The following SLC28A3 variants were observed in gnomAD, a reference collection of about 807,000 sequenced individuals.
SLC28A3 encodes concentrative Na(+)-nucleoside cotransporter 3.
A neutral mutation model predicts 84.2 loss-of-function variants in SLC28A3; 68 were observed. The ratio of observed to expected loss-of-function variants is 0.81; its 90% CI spans 0.66 to 0.99. The LOEUF (loss-of-function observed/expected upper bound fraction) is 0.99. Ranked by LOEUF, SLC28A3 falls within the 50% of genes least tolerant of loss-of-function variation. SLC28A3 has a pLI of 0.00. For synonymous variants in SLC28A3, 267 were observed against 303.6 expected (o/e 0.88, Z 1.25); for missense variants, 712 against 841.5 (o/e 0.85, Z 1.90).
Position 84,340,736 on chromosome 9 carries a change from C to G in SLC28A3, c.-103G>C. 1 of 1,288,648 alleles carries G rather than the reference C, an allele frequency of 7.8e-7. No individual in the cohort carries two copies. Among genetic ancestry groups the G allele is most frequent in the Non-Finnish European group, 1.1e-6 (1 of 904,144 alleles). The allele number at this position is 1,288,648 out of a possible 1,614,324, so 79.8% of individuals were successfully genotyped here. A position where few individuals can be genotyped will look rare whatever the true frequency, so the allele number is the denominator to read the frequency against. ...GAAAGCCACCTGCTGTTACAGGGAC[C>G]TGGGCACAGCTTGCTTCAGTTTGGA... is the stretch of plus-strand genomic sequence containing the variant. On this transcript the variant is annotated 5_prime_UTR_variant, in exon 1 of 18. Coordinates refer to ENST00000376238, the MANE Select transcript of SLC28A3 (RefSeq NM_001199633.2).
At chr9:84,291,925 G>A (rs1825238894) in intron 10 of SLC28A3, among the ~76,000 whole-genome samples, 1 of 152,172 alleles carries the variant, frequency 6.6e-6, no homozygotes, top group African/African-American at 2.4e-5. Context: ...TATTTTGAGG[G>A]ACACTCCTTG....
rs771434113 is a variant in SLC28A3, at chr9:84,279,259, CA to C, written c.1949+5del. ...TATAAAGAAATTATAATCAAGAATA[CA>C]ATACCTGCTCAACAGACTTTGGCAA... On this transcript the variant is annotated splice_donor_5th_base_variant and intron_variant, in intron 17 of 17. Coordinates refer to ENST00000376238, the MANE Select transcript of SLC28A3 (RefSeq NM_001199633.2). 20 of 1,598,606 alleles carry C rather than the reference CA, an allele frequency of 1.3e-5. No individual in the cohort carries two copies. The African/African-American group carries it at 2.7e-4, about 22-fold the overall frequency.
the SLC28A3 span, among the ~76,000 whole-genome samples, chr9:84,360,002 C>CAAAAA: frequency 1.8e-5 from 1 of 56,236 alleles, no homozygotes; most frequent in Non-Finnish European, 4.0e-5. Context: ...AACTCTGTCT[C>CAAAAA]AAAAAAAAAA....
intron 17 of SLC28A3, among the ~76,000 whole-genome samples, chr9:84,278,897 T>C (rs1210819253): frequency 1.4e-5 from 2 of 147,800 alleles, no homozygotes; most frequent in Non-Finnish European, 1.5e-5. Context: ...AAAAAAAAGA[T>C]AGTGCCCAAC....
chr9:84,316,892 T>C (rs1826186179), intron 1 of SLC28A3, among the ~76,000 whole-genome samples: 1 of 152,040 alleles, frequency 6.6e-6, no homozygotes, highest in Non-Finnish European at 1.5e-5. Context: ...TCCCAGCTAC[T>C]TGGGAGGCTG....
the SLC28A3 span, among the ~76,000 whole-genome samples, chr9:84,367,999 C>T: frequency 9.9e-5 from 15 of 152,162 alleles, no homozygotes; most frequent in Admixed American, 2.0e-4. Flanking sequence ...CTTACTAATC[C>T]GCCTCAGCAC....
the SLC28A3 span, among the ~76,000 whole-genome samples, chr9:84,367,776 T>C: frequency 2.6e-5 from 4 of 152,202 alleles, no homozygotes; most frequent in Non-Finnish European, 4.4e-5. Context: ...GCACGTAGGC[T>C]AGATTTATGT....
intron 2 of SLC28A3, among the ~76,000 whole-genome samples, chr9:84,311,432 ACATCAC>A (rs1825984685): frequency 6.6e-6 from 1 of 152,168 alleles, no homozygotes; most frequent in South Asian, 2.1e-4. Flanking sequence ...CTACATGGAC[ACATCAC>A]CATCACCCAA....
At chr9:84,278,523 G>A (rs1274672130) in intron 17 of SLC28A3, 179 bp from the exon 18 acceptor site, 4 of 690,994 alleles carry the variant, frequency 5.8e-6, no homozygotes, top group Non-Finnish European at 9.3e-6. Context: ...TAAATTCTGG[G>A]TGTCCTCAAG....
intron 15 of SLC28A3, 52 bp downstream of exon 15, chr9:84,280,749 C>G: frequency 6.3e-7 from 1 of 1,580,520 alleles, no homozygotes; most frequent in Non-Finnish European, 8.7e-7. Flanking sequence ...AATGGGGATC[C>G]AAGTATGTCT....
intron 1 of SLC28A3, among the ~76,000 whole-genome samples, chr9:84,339,863 G>A (rs1163890281): frequency 6.6e-6 from 1 of 152,122 alleles, no homozygotes; most frequent in East Asian, 1.9e-4. Context: ...TCAAAGTTTT[G>A]TTTTGCCCAT....
chr9:84,340,548 T>G (rs554895237), intron 1 of SLC28A3, 26 bp downstream of exon 1: 1 of 1,613,906 alleles, frequency 6.2e-7, no homozygotes, highest in South Asian at 1.1e-5. Context: ...TGAAGGCCTT[T>G]AACATAAGAG....
At chr9:84,315,265 G>A (rs904190235) in intron 1 of SLC28A3, among the ~76,000 whole-genome samples, 1 of 152,150 alleles carries the variant, frequency 6.6e-6, no homozygotes, top group Non-Finnish European at 1.5e-5. Flanking sequence ...ATGAATTGGT[G>A]GAGTAACAGA....
Position 84,280,027 on chromosome 9 carries a change from C to G in SLC28A3, c.1776G>C (p.Val592=), listed in dbSNP as rs747926796. ...SRKRDIASGA[V]RALIAGTVAC... ...CCACGGTCCCCGCAATCAGAGCTCT[C>G]ACTGCCCCCGAGGCGATATCACGCT... is the stretch of plus-strand genomic sequence containing the variant. Residue 592 remains valine (V), a synonymous_variant, in exon 16 of 18, where the codon GTG becomes GTC. Transcript: ENST00000376238. 6.2e-7 allele frequency: 1 copy of G among 1,614,006 alleles called. No homozygotes were observed.
chr9:84,345,097 G>A (rs769634680), upstream of SLC28A3, among the ~76,000 whole-genome samples: 13 of 152,172 alleles, frequency 8.5e-5, no homozygotes, highest in Non-Finnish European at 1.3e-4. Flanking sequence ...AGGGAATAGT[G>A]CCTGACACAT....
the SLC28A3 span, among the ~76,000 whole-genome samples, chr9:84,352,155 C>T: frequency 1.3e-5 from 2 of 151,744 alleles, no homozygotes; most frequent in Non-Finnish European, 2.9e-5. Context: ...TGCAGATTTC[C>T]CTCTATGTGG....
Position 84,279,296 on chromosome 9 carries a change from C to A in SLC28A3, c.1918G>T (p.Val640Leu). 6.2e-7 allele frequency: 1 copy of A among 1,612,724 alleles called. No individual in the cohort carries two copies. The highest frequency in any genetic ancestry group is 8.5e-7 in the Non-Finnish European group (1 of 1,179,364). ...NSTFPGNTTK[V>L]IACCQSLLSS... is the part of the protein sequence containing the mutation. Reference sequence around the variant, plus strand: ...AACAGACTTTGGCAACAAGCTATCACCTTGGTTGTGTTTCCAGGGAAAGTG... The same window carrying A: ...AACAGACTTTGGCAACAAGCTATCAACTTGGTTGTGTTTCCAGGGAAAGTG... The change falls in exon 17 of 18, where the codon GTG becomes TTG. Residue 640 changes from valine to leucine, a missense_variant. Physicochemically the swap from Val to Leu is conservative, Grantham distance 32 (BLOSUM62 1). Coordinates refer to ENST00000376238, the MANE Select transcript of SLC28A3 (RefSeq NM_001199633.2).
intron 12 of SLC28A3, among the ~76,000 whole-genome samples, chr9:84,286,313 GAT>G (rs1308228914): frequency 6.6e-6 from 1 of 152,118 alleles, no homozygotes; most frequent in Non-Finnish European, 1.5e-5. Flanking sequence ...TTTTTAAAGA[GAT>G]AGGGTCTTGT....
chr9:84,289,327 C>T (rs2118142345), intron 11 of SLC28A3, among the ~76,000 whole-genome samples: 1 of 152,304 alleles, frequency 6.6e-6, no homozygotes, highest in South Asian at 2.1e-4. Flanking sequence ...ATCCTAGTCT[C>T]CTGAGTCACA....
Sources: allele counts gnomAD v4.1 joint callset (sites outside exome capture counted in the v4.1 genomes callset), GRCh38; gene constraint gnomAD v4.1.1; transcripts MANE v1.5; gene names NCBI Gene and HGNC (gene_info 2026-07-23, HGNC 2026-07-21).